Variants in ENTREP2 observed in about 807,000 individuals in gnomAD.
The protein encoded by ENTREP2 is endosomal transmembrane epsin interactor 2, also known as protein ENTREP2.
At chr15:29,293,392 C>A in the ENTREP2 span, among the ~76,000 whole-genome samples, 1 of 151,696 alleles carries the variant, frequency 6.6e-6, no homozygotes, top group African/African-American at 2.4e-5. Context: ...GGACTACAGG[C>A]GCCCGCCACC....
the ENTREP2 span, among the ~76,000 whole-genome samples, chr15:29,249,017 A>G: frequency 6.6e-6 from 1 of 152,264 alleles, no homozygotes; most frequent in Non-Finnish European, 1.5e-5. Flanking sequence ...ATAAAGTTGT[A>G]GAATATTTTA....
chr15:29,351,314 C>T, the ENTREP2 span, among the ~76,000 whole-genome samples: 1 of 152,160 alleles, frequency 6.6e-6, no homozygotes. Flanking sequence ...TACCACTGTC[C>T]TATATGTGGT....
At chr15:29,381,576 C>T in the ENTREP2 span, among the ~76,000 whole-genome samples, 2 of 151,812 alleles carry the variant, frequency 1.3e-5, no homozygotes, top group African/African-American at 2.4e-5. Context: ...CACTGAGGAG[C>T]GCTCTCAGAA....
the ENTREP2 span, among the ~76,000 whole-genome samples, chr15:29,631,583 A>G: frequency 6.6e-6 from 1 of 152,184 alleles, no homozygotes; most frequent in South Asian, 2.1e-4. Context: ...GTCCAGTTCT[A>G]ATCTTTTGAT....
chr15:29,486,677 G>GA, the ENTREP2 span, among the ~76,000 whole-genome samples: 1 of 152,090 alleles, frequency 6.6e-6, no homozygotes, highest in African/African-American at 2.4e-5. Flanking sequence ...GCGGCAGAGC[G>GA]AGACTCTGCC....
At chr15:29,131,108 A>G in the ENTREP2 span, among the ~76,000 whole-genome samples, 1 of 152,202 alleles carries the variant, frequency 6.6e-6, no homozygotes, top group African/African-American at 2.4e-5. Context: ...TTGCATGGAA[A>G]TTCTGCCCCA....
At chr15:29,478,199 T>C in the ENTREP2 span, among the ~76,000 whole-genome samples, 3 of 151,234 alleles carry the variant, frequency 2.0e-5, no homozygotes, top group Non-Finnish European at 4.4e-5. Context: ...TAATTTTTAT[T>C]GTATTTTTTA....
At chr15:29,656,163 T>C in the ENTREP2 span, among the ~76,000 whole-genome samples, 6,930 of 151,834 alleles carry the variant, frequency 0.046, 183 homozygotes, top group South Asian at 0.065. Flanking sequence ...ATTTTTCATA[T>C]AAACAAAAAT....
chr15:29,467,410 A>T, the ENTREP2 span, among the ~76,000 whole-genome samples: 1 of 152,190 alleles, frequency 6.6e-6, no homozygotes, highest in East Asian at 1.9e-4. Flanking sequence ...AAGGCAGAAC[A>T]TGCCTGTTCC....
chr15:29,474,049 C>A, the ENTREP2 span, among the ~76,000 whole-genome samples: 1 of 152,322 alleles, frequency 6.6e-6, no homozygotes, highest in Admixed American at 6.5e-5. Flanking sequence ...ATAGCAAACC[C>A]TGAAGCACAG....
chr15:29,654,014 T>C, the ENTREP2 span, among the ~76,000 whole-genome samples: 4 of 152,316 alleles, frequency 2.6e-5, no homozygotes, highest in East Asian at 5.8e-4. Context: ...TGTTCAATCA[T>C]GTGGATTGAA....
chr15:29,390,388 G>C, the ENTREP2 span, among the ~76,000 whole-genome samples: 256 of 152,096 alleles, frequency 1.7e-3, no homozygotes, highest in South Asian at 2.9e-3. Context: ...AAACGAAGAG[G>C]GTTGGGGAAG....
chr15:29,390,354 C>T, the ENTREP2 span, among the ~76,000 whole-genome samples: 2 of 152,002 alleles, frequency 1.3e-5, no homozygotes, highest in Non-Finnish European at 2.9e-5. Flanking sequence ...ATTCAGAGTC[C>T]ACAGTTCACA....
the ENTREP2 span, among the ~76,000 whole-genome samples, chr15:29,522,020 C>T: frequency 3.3e-5 from 5 of 152,040 alleles, no homozygotes; most frequent in East Asian, 1.9e-4. Flanking sequence ...AGCAATTCTG[C>T]GAGGAAAGGA....
At chr15:29,169,760 TAGAC>T in the ENTREP2 span, among the ~76,000 whole-genome samples, 1 of 152,098 alleles carries the variant, frequency 6.6e-6, no homozygotes, top group Non-Finnish European at 1.5e-5. Context: ...AAACTTGAAA[TAGAC>T]AGGAGCTCCC....
At chr15:29,123,600 C>A in the ENTREP2 span, 3 of 1,551,538 alleles carry the variant, frequency 1.9e-6, no homozygotes, top group Non-Finnish European at 2.6e-6. Flanking sequence ...TATCTGGGTC[C>A]CCCGCTGGTG....
chr15:29,451,587 A>G, the ENTREP2 span, among the ~76,000 whole-genome samples: 1 of 152,300 alleles, frequency 6.6e-6, no homozygotes, highest in African/African-American at 2.4e-5. Flanking sequence ...CGTGACTGAA[A>G]TGCATGAAAG....
chr15:29,329,916 T>A, the ENTREP2 span, among the ~76,000 whole-genome samples: 2 of 152,316 alleles, frequency 1.3e-5, no homozygotes, highest in African/African-American at 2.4e-5. Context: ...CCAAATACTT[T>A]ATGTAGATAC....
chr15:29,206,164 G>A, the ENTREP2 span, among the ~76,000 whole-genome samples: 3 of 152,188 alleles, frequency 2.0e-5, no homozygotes, highest in Non-Finnish European at 4.4e-5. Context: ...GGAAGCCCAG[G>A]ATTAAAACAC....
Sources: gnomAD v4.1 joint callset for allele counts (sites outside exome capture counted in the v4.1 genomes callset) on GRCh38, gnomAD v4.1.1 for gene constraint, MANE v1.5 for transcripts, NCBI Gene and HGNC (gene_info 2026-07-23, HGNC 2026-07-21) for gene names.